The following ADK variants were observed in gnomAD, a reference collection of about 807,000 sequenced individuals.
ADK encodes the protein adenosine kinase, also known as N6,N6-dimethyladenosine kinase.
A neutral mutation model predicts 44.7 loss-of-function variants in ADK; 24 were observed. The ratio of observed to expected loss-of-function variants is 0.54; its 90% confidence interval spans 0.39 to 0.76. ADK has a LOEUF of 0.76. ADK is among the 30% of genes least tolerant of loss of function. ADK has a pLI of 0.00. For synonymous variants in ADK, 128 were observed against 142.6 expected, an observed-to-expected ratio of 0.90 and a Z score of 0.73; for missense variants, 321 against 425.1, an observed-to-expected ratio of 0.76 and a Z score of 2.15.
rs567256900 is a variant in ADK at position 74,549,821 on chromosome 10, G to A, written c.726+24395G>A. Among the ~76,000 whole-genome samples, 9 of 152,218 alleles carry A rather than the reference G, an allele frequency of 5.9e-5. No homozygotes were observed. The South Asian group carries it at 6.2e-4, about 11-fold the overall frequency. ...TCATGTATGTAAAATATACACAGGCGTTAATTATTGACATGTTGATTCATT... is the reference window on the plus strand; with the variant it reads ...TCATGTATGTAAAATATACACAGGCATTAATTATTGACATGTTGATTCATT... On this transcript the variant is annotated intron_variant, in intron 7 of 10. Coordinates refer to ENST00000539909, the MANE Select transcript of ADK (RefSeq NM_006721.4).
intron 2 of ADK, among the ~76,000 whole-genome samples, chr10:74,210,330 GAAAAAAAA>G (rs57852507): frequency 1.2e-5 from 1 of 84,920 alleles, no homozygotes; most frequent in African/African-American, 4.5e-5. Context: ...TCCATCTCAG[GAAAAAAAA>G]AAAAAAAAAA....
intron 9 of ADK, among the ~76,000 whole-genome samples, chr10:74,624,759 C>G (rs986448661): frequency 6.6e-6 from 1 of 151,876 alleles, no homozygotes; most frequent in Non-Finnish European, 1.5e-5. Context: ...AATACTAGGA[C>G]AGTTCTGGGC....
At chr10:74,277,821 A>G (rs2132433322) in intron 3 of ADK, among the ~76,000 whole-genome samples, 1 of 151,710 alleles carries the variant, frequency 6.6e-6, no homozygotes, top group Middle Eastern at 3.4e-3. Flanking sequence ...GTTCCATGTG[A>G]TATCTATGCT....
chr10:74,485,428 C>T (rs1847230348), intron 6 of ADK, among the ~76,000 whole-genome samples: 1 of 151,012 alleles, frequency 6.6e-6, no homozygotes, highest in Non-Finnish European at 1.5e-5. Flanking sequence ...TACCACTGCA[C>T]TCCAGCCTGG....
At position 74,177,942 on chromosome 10, in the gene ADK, TATA is replaced by T. The variant is rs150439875; in HGVS notation, c.66-22821_66-22819del. On this transcript the variant is annotated intron_variant, in intron 1 of 10. Coordinates refer to ENST00000539909, the MANE Select transcript of ADK (RefSeq NM_006721.4). ...GCATAATTATATATATATATATATA[TATA>T]TTTTTTTTTTTTTGAGACAGAGTTT... Among the ~76,000 whole-genome samples the T allele has an allele frequency of 4.4e-3, 406 of 92,968 alleles. 3 individuals carry two copies. The highest frequency in any genetic ancestry group is 0.014 in the African/African-American group (282 of 19,916). 61.0% of individuals were successfully genotyped at this position (92,968 alleles called of 152,430 possible).
At chr10:74,588,875 A>G (rs1851618489) in intron 7 of ADK, among the ~76,000 whole-genome samples, 1 of 152,178 alleles carries the variant, frequency 6.6e-6, no homozygotes, top group Non-Finnish European at 1.5e-5. Context: ...TTGCAAAAAG[A>G]TGATTTTTCT....
At chr10:74,177,674 T>G (rs2132071348) in intron 1 of ADK, among the ~76,000 whole-genome samples, 1 of 152,258 alleles carries the variant, frequency 6.6e-6, no homozygotes, top group East Asian at 1.9e-4. Flanking sequence ...CTGACTGGCC[T>G]TTTTAAAAGC....
intron 3 of ADK, among the ~76,000 whole-genome samples, chr10:74,290,519 T>C (rs4639878): frequency 0.65 from 98,547 of 151,752 alleles, 33,258 homozygotes; most frequent in Middle Eastern, 0.8. Context: ...TACAAACCAT[T>C]GATAACTTTT....
intron 7 of ADK, among the ~76,000 whole-genome samples, chr10:74,584,704 A>G (rs1851475144): frequency 6.6e-6 from 1 of 152,186 alleles, no homozygotes; most frequent in Non-Finnish European, 1.5e-5. Context: ...AGCTGTAGCA[A>G]TGACACACAT....
intron 6 of ADK, among the ~76,000 whole-genome samples, chr10:74,430,051 A>G (rs1228126617): frequency 4.6e-5 from 7 of 152,326 alleles, no homozygotes; most frequent in Admixed American, 3.3e-4. Flanking sequence ...TTGATGAAGA[A>G]ACAGAGGCAC....
At chr10:74,686,946 G>A (rs1459410109) in intron 10 of ADK, among the ~76,000 whole-genome samples, 1 of 152,140 alleles carries the variant, frequency 6.6e-6, no homozygotes, top group Non-Finnish European at 1.5e-5. Flanking sequence ...AAAGTGCTGG[G>A]ATTACAGGAG....
chr10:74,701,317 G>A (rs904629962), intron 10 of ADK, among the ~76,000 whole-genome samples: 1 of 152,106 alleles, frequency 6.6e-6, no homozygotes, highest in African/African-American at 2.4e-5. Flanking sequence ...GGATGTAAGT[G>A]TGTGTGTGTG....
chr10:74,604,953 C>T (rs1329457704), intron 9 of ADK, among the ~76,000 whole-genome samples: 1 of 152,098 alleles, frequency 6.6e-6, no homozygotes, highest in Non-Finnish European at 1.5e-5. Flanking sequence ...TGAAGAGGTC[C>T]TTCACATCCC....
intron 4 of ADK, among the ~76,000 whole-genome samples, chr10:74,331,460 A>G (rs1841214952): frequency 6.6e-6 from 1 of 152,178 alleles, no homozygotes; most frequent in African/African-American, 2.4e-5. Flanking sequence ...TGGCAATACT[A>G]GTAAACATTA....
At chr10:74,236,392 A>G (rs1257002512) in intron 3 of ADK, among the ~76,000 whole-genome samples, 1 of 152,240 alleles carries the variant, frequency 6.6e-6, no homozygotes, top group Non-Finnish European at 1.5e-5. Flanking sequence ...AGGCTTTTAA[A>G]CAATTTTGTG....
At chr10:74,570,438 C>G (rs1850909083) in intron 7 of ADK, among the ~76,000 whole-genome samples, 1 of 152,092 alleles carries the variant, frequency 6.6e-6, no homozygotes, top group Non-Finnish European at 1.5e-5. Context: ...TTTGTATCCT[C>G]TTTTATTTCA....
intron 6 of ADK, among the ~76,000 whole-genome samples, chr10:74,485,380 T>C (rs1469583641): frequency 6.6e-6 from 1 of 151,916 alleles, no homozygotes; most frequent in African/African-American, 2.4e-5. Context: ...GAGTATTGCT[T>C]GAGCCCAGGA....
intron 1 of ADK, among the ~76,000 whole-genome samples, chr10:74,153,081 C>A (rs1160316925): frequency 6.6e-6 from 1 of 152,090 alleles, no homozygotes; most frequent in Non-Finnish European, 1.5e-5. Flanking sequence ...GGGATTGCTA[C>A]TGGTTTTGGT....
intron 4 of ADK, among the ~76,000 whole-genome samples, chr10:74,387,844 T>TAGA (rs967427752): frequency 2.0e-5 from 3 of 152,194 alleles, no homozygotes; most frequent in African/African-American, 7.2e-5. Context: ...AATATAATAA[T>TAGA]AGAAACCCTA....
Sources: allele counts gnomAD v4.1 joint callset (sites outside exome capture counted in the v4.1 genomes callset), GRCh38; gene constraint gnomAD v4.1.1; transcripts MANE v1.5; gene names NCBI Gene and HGNC (gene_info 2026-07-23, HGNC 2026-07-21).